The following KCNG2 variants were observed in gnomAD, a reference collection of about 807,000 sequenced individuals.
The protein encoded by KCNG2 is potassium voltage-gated channel modifier subfamily G member 2, also known as voltage-gated potassium channel regulatory subunit KCNG2.
Under a neutral mutation model 12.3 loss-of-function variants are expected in KCNG2, and 7 were observed. The observed-to-expected ratio is 0.57, with a 90% confidence interval of 0.32 to 1.07. KCNG2 has a LOEUF of 1.07. KCNG2 is among the 50% of genes least tolerant of loss of function. The pLI is 0.04. For missense variants in KCNG2, 703 were observed against 726.0 expected (o/e 0.97, Z 0.36); for synonymous variants, 414 against 351.4 (o/e 1.18, Z -1.99).
At chr18:79,848,827 G>A (rs546707507) in intron 1 of KCNG2, among the ~76,000 whole-genome samples, 2 of 152,240 alleles carry the variant, frequency 1.3e-5, no homozygotes, top group South Asian at 2.1e-4. Context: ...CAGACTGCCC[G>A]GCTGGAAGAG....
intron 1 of KCNG2, among the ~76,000 whole-genome samples, chr18:79,854,783 G>A (rs1312273326): frequency 6.6e-6 from 1 of 152,164 alleles, no homozygotes; most frequent in South Asian, 2.1e-4. Context: ...AAAGTACAGG[G>A]ATTACAGGTG....
At chr18:79,847,190 C>T (rs1032090097) in intron 1 of KCNG2, among the ~76,000 whole-genome samples, 8 of 152,242 alleles carry the variant, frequency 5.3e-5, no homozygotes, top group African/African-American at 1.9e-4. Flanking sequence ...TGCTTTGCTC[C>T]TCCTCGGATG....
At position 79,895,340 on chromosome 18, in the gene KCNG2, T is replaced by G. The variant is rs1980927027; in HGVS notation, c.625-3700T>G. Among the ~76,000 whole-genome samples the G allele has an allele frequency of 1.3e-5, 2 of 152,126 alleles. 1 individual carries two copies. Among genetic ancestry groups the G allele is most frequent in the South Asian group, 4.1e-4 (2 of 4,830 alleles). On this transcript the variant is annotated intron_variant, in intron 3 of 3. Coordinates refer to ENST00000316249, the MANE Select transcript of KCNG2 (RefSeq NM_012283.2). ...TAATGTTACAATTCATATAGTTGAG[T>G]CTGTGTCTGCTTTTGATTGGATTGT... is the stretch of plus-strand genomic sequence containing the variant.
At chr18:79,882,327 AG>A (rs1468706875) in intron 3 of KCNG2, among the ~76,000 whole-genome samples, 1 of 152,236 alleles carries the variant, frequency 6.6e-6, no homozygotes, top group African/African-American at 2.4e-5. Flanking sequence ...TGGGCAATAT[AG>A]CAAGACCCTC....
At chr18:79,881,949 A>C (rs923257857) in intron 3 of KCNG2, among the ~76,000 whole-genome samples, 2 of 152,232 alleles carry the variant, frequency 1.3e-5, no homozygotes, top group African/African-American at 4.8e-5. Flanking sequence ...AAGGCCGGGC[A>C]CGGAGAAAGA....
At chr18:79,807,109 T>A (rs2087455143) in intron 1 of KCNG2, among the ~76,000 whole-genome samples, 1 of 152,184 alleles carries the variant, frequency 6.6e-6, no homozygotes, top group African/African-American at 2.4e-5. Flanking sequence ...CCGGGAGGGT[T>A]TGGTCTGGCC....
chr18:79,809,459 G>A (rs1568241851), intron 1 of KCNG2, among the ~76,000 whole-genome samples: 1 of 143,084 alleles, frequency 7.0e-6, no homozygotes, highest in Non-Finnish European at 1.5e-5. Flanking sequence ...AGGAGCTGCC[G>A]GGGCCGCGCT....
Position 79,836,658 on chromosome 18 carries a change from AGGTAAAG to A in KCNG2, c.-114-19719_-114-19713del, listed in dbSNP as rs1978328190. 3.3e-5 allele frequency among the ~76,000 whole-genome samples: 5 copies of A among 152,160 alleles called. No individual in the cohort carries two copies. In the East Asian group the frequency reaches 9.6e-4, roughly 29 times the overall value. Reference sequence around the variant, plus strand: ...TCAGGAAACTTACAATCATGGCGAGAGGTAAAGGAGAAGCAAGACCTTCTTCACATGG... The same window carrying A: ...TCAGGAAACTTACAATCATGGCGAGAGAGAAGCAAGACCTTCTTCACATGG... On this transcript the variant is annotated intron_variant, in intron 1 of 3. Coordinates refer to ENST00000316249, the MANE Select transcript of KCNG2 (RefSeq NM_012283.2).
chr18:79,857,717 T>A (rs1361220933), intron 2 of KCNG2, among the ~76,000 whole-genome samples: 1 of 132,898 alleles, frequency 7.5e-6, no homozygotes, highest in African/African-American at 2.8e-5. Context: ...GAGGCTTGCG[T>A]GTTACTGGAT....
intron 3 of KCNG2, among the ~76,000 whole-genome samples, chr18:79,878,035 G>A (rs917659319): frequency 5.3e-5 from 8 of 152,254 alleles, no homozygotes; most frequent in South Asian, 4.1e-4. Context: ...CCCACGTTGC[G>A]GTTCCCGATG....
At chr18:79,835,142 C>T (rs2123030613) in intron 1 of KCNG2, among the ~76,000 whole-genome samples, 1 of 152,324 alleles carries the variant, frequency 6.6e-6, no homozygotes, top group East Asian at 1.9e-4. Context: ...ACAGAAGCCT[C>T]TTGGGGAATG....
At chr18:79,819,517 T>G (rs2087555289) in intron 1 of KCNG2, among the ~76,000 whole-genome samples, 1 of 152,190 alleles carries the variant, frequency 6.6e-6, no homozygotes, top group Non-Finnish European at 1.5e-5. Context: ...TCCCTTCAGA[T>G]CGGGCTGTGT....
rs571239219 is a variant in KCNG2, at chr18:79,803,034, C to T, written c.-115+5020C>T. Among the ~76,000 whole-genome samples, 29 of 152,204 alleles carry T rather than the reference C, an allele frequency of 1.9e-4. No homozygotes were observed. The East Asian group carries it at 3.1e-3, about 16-fold the overall frequency. On this transcript the variant is annotated intron_variant, in intron 1 of 3. Transcript: ENST00000316249. This position sits in a 1 kb window ranked among gnomAD's most constrained non-coding sequence, Gnocchi z 4.5. ...TCTCTACTAAAACACAAAAATTAGC[C>T]GGGCATGGTGGCAGGCACCTGTAAT...
chr18:79,898,077 G>T (rs113659903), intron 3 of KCNG2, among the ~76,000 whole-genome samples: 1 of 152,186 alleles, frequency 6.6e-6, no homozygotes, highest in South Asian at 2.1e-4. Context: ...TCTAGGCTAC[G>T]TGGTCAGCAC....
intron 3 of KCNG2, among the ~76,000 whole-genome samples, chr18:79,888,191 C>T (rs1302710508): frequency 6.6e-6 from 1 of 152,202 alleles, no homozygotes; most frequent in African/African-American, 2.4e-5. Context: ...GGGGAGCACC[C>T]GCCAGGCCCA....
At chr18:79,877,323 C>T (rs781247692) in intron 3 of KCNG2, among the ~76,000 whole-genome samples, 6 of 151,862 alleles carry the variant, frequency 4.0e-5, no homozygotes, top group African/African-American at 9.7e-5. Context: ...GTCCCTCCAG[C>T]GGCTGGCTCC....
intron 2 of KCNG2, among the ~76,000 whole-genome samples, chr18:79,862,568 G>A (rs1262473099): frequency 2.6e-5 from 4 of 152,268 alleles, no homozygotes; most frequent in South Asian, 2.1e-4. Flanking sequence ...GGTTTTTCCC[G>A]GCATGTGCGC....
At position 79,887,217 on chromosome 18, in the gene KCNG2, A is replaced by AG. The variant is rs1206673204; in HGVS notation, c.625-11820dup. On this transcript the variant is annotated intron_variant, in intron 3 of 3. Coordinates refer to ENST00000316249, the MANE Select transcript of KCNG2 (RefSeq NM_012283.2). ...GATGGGGACAGGGACACGGGGATAT[A>AG]GGGTCACAGGGACAGGGACACAGGG... is the stretch of plus-strand genomic sequence containing the variant. 2.0e-5 allele frequency among the ~76,000 whole-genome samples: 3 copies of AG among 151,110 alleles called. 1 individual carries two copies. The highest frequency in any genetic ancestry group is 7.3e-5 in the African/African-American group (3 of 40,938).
At chr18:79,891,262 G>A (rs1019535724) in intron 3 of KCNG2, among the ~76,000 whole-genome samples, 7 of 150,076 alleles carry the variant, frequency 4.7e-5, no homozygotes, top group East Asian at 2.0e-4. Context: ...ACAGGGTCTC[G>A]CTCTGTCACC....
Sources: allele counts gnomAD v4.1 joint callset (sites outside exome capture counted in the v4.1 genomes callset), GRCh38; gene constraint gnomAD v4.1.1; non-coding constraint Gnocchi (gnomAD v3.1); transcripts MANE v1.5; gene names NCBI Gene and HGNC (gene_info 2026-07-23, HGNC 2026-07-21).